The following ERI1 variants were observed in gnomAD, a reference collection of about 807,000 sequenced individuals.
The protein encoded by ERI1 is 3'-5' exoribonuclease 1.
In ERI1, 39 loss-of-function variants were observed where a neutral mutation model predicts 39.7. That is an observed-to-expected ratio of 0.98 (90% confidence interval 0.76 to 1.28). ERI1 has a LOEUF of 1.28. Ranked by LOEUF, ERI1 falls within the 50% of genes most tolerant of loss-of-function variation. The pLI, the probability that ERI1 is intolerant of heterozygous loss-of-function variation, is 0.00. For missense variants in ERI1, 581 were observed against 416.9 expected, an observed-to-expected ratio of 1.39 and a Z score of -3.43; for synonymous variants, 204 against 149.6, an observed-to-expected ratio of 1.36 and a Z score of -2.65.
intron 3 of ERI1, among the ~76,000 whole-genome samples, chr8:9,054,657 G>A (rs1057101241): frequency 6.6e-6 from 1 of 152,250 alleles, no homozygotes. Context: ...AGGCACCATG[G>A]CCCACGCCTG....
At chr8:9,008,631 A>G (rs1212087356) in intron 2 of ERI1, among the ~76,000 whole-genome samples, 1 of 152,250 alleles carries the variant, frequency 6.6e-6, no homozygotes, top group Admixed American at 6.5e-5. Flanking sequence ...GTTTCACTGT[A>G]TATTGAGTGA....
intron 3 of ERI1, among the ~76,000 whole-genome samples, chr8:9,069,184 T>C (rs1798975821): frequency 6.6e-6 from 1 of 152,194 alleles, no homozygotes; most frequent in South Asian, 2.1e-4. Flanking sequence ...TTGATCCATA[T>C]TCTCAGATCA....
intron 6 of ERI1, among the ~76,000 whole-genome samples, chr8:9,023,207 T>G (rs1818102636): frequency 6.6e-6 from 1 of 152,178 alleles, no homozygotes; most frequent in Non-Finnish European, 1.5e-5. Flanking sequence ...TTATTTTACT[T>G]TATTCTTTTA....
At chr8:9,016,198 C>T in intron 3 of ERI1, 124 bp from the exon 4 acceptor site, 2 of 461,836 alleles carry the variant, frequency 4.3e-6, no homozygotes, top group Non-Finnish European at 7.9e-6. Context: ...TTCTTAAAAA[C>T]TGGAAGGGTT....
At chr8:9,084,243 A>G (rs1048480544) in intron 3 of ERI1, among the ~76,000 whole-genome samples, 5 of 152,132 alleles carry the variant, frequency 3.3e-5, no homozygotes, top group African/African-American at 1.2e-4. Flanking sequence ...CCAGCCTGGG[A>G]AACAGTGAGA....
In ERI1 at chr8:9,020,336, T is replaced by C. The variant is rs114755372; in HGVS notation, c.693-14T>C. The C allele has an allele frequency of 8.3e-4, 1,233 of 1,494,500 alleles. 10 individuals are homozygous for C. In the African/African-American group the frequency reaches 0.015, roughly 18 times the overall value. 92.6% of individuals were successfully genotyped at this position (1,494,500 alleles called of 1,614,324 possible). ...GTTTATTTCATCAATTTTTTGTCCT[T>C]TTTTAATTTATAGTTCTTGGGATAT... is the stretch of plus-strand genomic sequence containing the variant. On this transcript the variant is annotated splice_polypyrimidine_tract_variant and intron_variant, in intron 5 of 6. Coordinates refer to ENST00000250263, the MANE Select transcript of ERI1 (RefSeq NM_153332.4).
chr8:9,015,537 A>G (rs1038970510), intron 3 of ERI1, among the ~76,000 whole-genome samples: 1 of 151,872 alleles, frequency 6.6e-6, no homozygotes, highest in African/African-American at 2.4e-5. Context: ...CCTGGCTAAC[A>G]TGGTGAAACC....
rs1336927933 is a variant in ERI1 at position 9,020,347 on chromosome 8, T to C, written c.693-3T>C. The C allele has an allele frequency of 1.3e-6, 2 of 1,531,764 alleles. No homozygotes were observed. The highest frequency in any genetic ancestry group is 1.8e-6 in the Non-Finnish European group (2 of 1,138,568). The allele number at this position is 1,531,764 out of a possible 1,614,324, so 94.9% of individuals were successfully genotyped here. ...CAATTTTTTGTCCTTTTTTAATTTA[T>C]AGTTCTTGGGATATGAGTAAGTTCT... On this transcript the variant is annotated splice_polypyrimidine_tract_variant and splice_region_variant and intron_variant, in intron 5 of 6. Coordinates refer to ENST00000250263, the MANE Select transcript of ERI1 (RefSeq NM_153332.4).
intron 3 of ERI1, among the ~76,000 whole-genome samples, chr8:9,074,609 T>A (rs1200803784): frequency 1.3e-5 from 2 of 152,074 alleles, no homozygotes; most frequent in East Asian, 1.9e-4. Flanking sequence ...GCCCAGCTAA[T>A]TTTTTGTAGA....
intron 6 of ERI1, 24 bp downstream of exon 6, chr8:9,020,488 T>TA (rs1424560323): frequency 1.5e-6 from 2 of 1,377,108 alleles, no homozygotes; most frequent in Non-Finnish European, 2.0e-6. Context: ...ATTTAATAAT[T>TA]ACGTGGTTCT....
intron 6 of ERI1, among the ~76,000 whole-genome samples, chr8:9,020,857 C>T (rs7008080): frequency 0.15 from 22,093 of 152,196 alleles, 1,769 homozygotes; most frequent in African/African-American, 0.18. Flanking sequence ...CCATAGCCTT[C>T]ACCAGAACTG....
chr8:9,065,577 C>A (rs1334655410), intron 3 of ERI1, among the ~76,000 whole-genome samples: 1 of 151,790 alleles, frequency 6.6e-6, no homozygotes, highest in Non-Finnish European at 1.5e-5. Context: ...CGCCTGTAGT[C>A]CCAGCTACTC....
Position 9,015,722 on chromosome 8 carries a change from C to CAAAAAAAAAAAAAAAA in ERI1, c.499-596_499-581dup, listed in dbSNP as rs758835506. ...GGGAGACAGAGCGAGACTCTGTCTC[C>CAAAAAAAAAAAAAAAA]AAAAAAAAAAAAAAAAAAAGAGACC... On this transcript the variant is annotated intron_variant, in intron 3 of 6. Coordinates refer to ENST00000250263, the MANE Select transcript of ERI1 (RefSeq NM_153332.4). 4.9e-4 allele frequency among the ~76,000 whole-genome samples: 28 copies of CAAAAAAAAAAAAAAAA among 56,574 alleles called. 3 individuals are homozygous for CAAAAAAAAAAAAAAAA. Among genetic ancestry groups the CAAAAAAAAAAAAAAAA allele is most frequent in the African/African-American group, 2.2e-3 (27 of 12,264 alleles). 37.1% of individuals were successfully genotyped at this position (56,574 alleles called of 152,430 possible).
At chr8:9,018,227 T>G in intron 4 of ERI1, 70 bp from the exon 5 acceptor site, 1 of 787,714 alleles carries the variant, frequency 1.3e-6, no homozygotes, top group Non-Finnish European at 2.1e-6. Flanking sequence ...CCAACTTAGG[T>G]CTGGGTATTT....
chr8:9,089,961 T>C (rs17703572), intron 3 of ERI1, among the ~76,000 whole-genome samples: 42,985 of 151,984 alleles, frequency 0.28, 6,639 homozygotes, highest in Non-Finnish European at 0.35. Flanking sequence ...GACTCGACCG[T>C]TGGCAAAGAG....
intron 3 of ERI1, among the ~76,000 whole-genome samples, chr8:9,041,581 T>C (rs907933459): frequency 1.3e-5 from 2 of 152,190 alleles, no homozygotes; most frequent in Non-Finnish European, 2.9e-5. Context: ...TGCTCCTGAA[T>C]GATCAATGGG....
rs978159321 is a variant in ERI1 at position 9,003,002 on chromosome 8, C to T, written c.-62C>T. On this transcript the variant is annotated 5_prime_UTR_variant, in exon 1 of 7. Coordinates refer to ENST00000250263, the MANE Select transcript of ERI1 (RefSeq NM_153332.4). ...CGGAGAAAGGCGAGGCTTTCGGGCT[C>T]TGCAGAGTGAGAGTTAGCAAGTGTC... 3 of 1,102,390 alleles carry T rather than the reference C, an allele frequency of 2.7e-6. No homozygotes were observed. The highest frequency in any genetic ancestry group is 8.5e-5 in the Admixed American group (2 of 23,522). The allele number at this position is 1,102,390 out of a possible 1,614,324, so 68.3% of individuals were successfully genotyped here.
At chr8:9,048,998 C>T (rs1026341701) in intron 3 of ERI1, among the ~76,000 whole-genome samples, 5 of 151,944 alleles carry the variant, frequency 3.3e-5, no homozygotes, top group African/African-American at 9.7e-5. Flanking sequence ...TGGAGGTGAG[C>T]GAGATGTAAA....
At chr8:9,047,396 C>T (rs1798207844) in intron 3 of ERI1, among the ~76,000 whole-genome samples, 1 of 152,162 alleles carries the variant, frequency 6.6e-6, no homozygotes, top group Non-Finnish European at 1.5e-5. Context: ...TGGGCCTAGC[C>T]AGTCAGCTGG....
Sources: allele counts gnomAD v4.1 joint callset (sites outside exome capture counted in the v4.1 genomes callset), GRCh38; gene constraint gnomAD v4.1.1; transcripts MANE v1.5; gene names NCBI Gene and HGNC (gene_info 2026-07-23, HGNC 2026-07-21).